MNAT1: variants seen among roughly 807,000 people sequenced by gnomAD.
The protein encoded by MNAT1 is MNAT1 component of CDK activating kinase.
In MNAT1, 43 loss-of-function variants were observed where a neutral mutation model predicts 42.0. That is an observed-to-expected ratio of 1.02 (90% CI 0.80 to 1.32). The LOEUF is 1.32. MNAT1 is among the 40% of genes most tolerant of loss of function. MNAT1 has a pLI of 0.00. For synonymous variants in MNAT1, 118 were observed against 120.0 expected (o/e 0.98, Z 0.11); for missense variants, 306 against 350.4 (o/e 0.87, Z 1.01).
At position 60,912,955 on chromosome 14, in the gene MNAT1, A is replaced by C. The variant is rs1002890244; in HGVS notation, c.809+33120A>C. On this transcript the variant is annotated intron_variant, in intron 7 of 7. Transcript: ENST00000261245. ...TGGTTCCATTCTCCCCGTCACTTTC[A>C]GGTACACCAATTAGATGTACATTTG... Among the ~76,000 whole-genome samples the C allele has an allele frequency of 2.0e-5, 3 of 152,228 alleles. No individual in the cohort carries two copies. The South Asian group carries it at 6.2e-4, about 32-fold the overall frequency.
At chr14:60,860,814 G>T (rs2034079115) in intron 6 of MNAT1, among the ~76,000 whole-genome samples, 1 of 152,118 alleles carries the variant, frequency 6.6e-6, no homozygotes, top group East Asian at 1.9e-4. Flanking sequence ...CTGGTGAGAA[G>T]ATATATAGAT....
chr14:60,836,628 C>T (rs2033396333), intron 6 of MNAT1, among the ~76,000 whole-genome samples: 1 of 152,184 alleles, frequency 6.6e-6, no homozygotes, highest in South Asian at 2.1e-4. Flanking sequence ...CCCAGAGGGG[C>T]ACTGGCTAGA....
intron 7 of MNAT1, among the ~76,000 whole-genome samples, chr14:60,961,101 T>G (rs2036581594): frequency 6.6e-6 from 1 of 152,202 alleles, no homozygotes; most frequent in East Asian, 1.9e-4. Flanking sequence ...TAGCTGAGAT[T>G]ACAGGCATGC....
chr14:60,764,256 C>G (rs1487656958), intron 1 of MNAT1, among the ~76,000 whole-genome samples: 1 of 152,074 alleles, frequency 6.6e-6, no homozygotes, highest in East Asian at 1.9e-4. Flanking sequence ...TGTTGAAGCT[C>G]AAAAATAAAA....
At chr14:60,775,693 C>G (rs1042036681) in intron 1 of MNAT1, among the ~76,000 whole-genome samples, 2 of 151,970 alleles carry the variant, frequency 1.3e-5, no homozygotes, top group African/African-American at 4.8e-5. Context: ...TCATTTTAAC[C>G]TGAAGGAATG....
chr14:60,761,465 C>T (rs887603267), intron 1 of MNAT1, among the ~76,000 whole-genome samples: 6 of 152,158 alleles, frequency 3.9e-5, no homozygotes, highest in African/African-American at 1.4e-4. Flanking sequence ...AAGAAAGTGA[C>T]TTTTAAAGTT....
chr14:60,847,530 A>C (rs1343957675), intron 6 of MNAT1, among the ~76,000 whole-genome samples: 1 of 151,798 alleles, frequency 6.6e-6, no homozygotes, highest in Non-Finnish European at 1.5e-5. Flanking sequence ...TTTGATTCTA[A>C]TGTGTGCTGG....
chr14:60,802,963 C>T (rs1409800233), intron 3 of MNAT1, among the ~76,000 whole-genome samples: 7 of 127,740 alleles, frequency 5.5e-5, no homozygotes, highest in African/African-American at 5.9e-5. Context: ...GACGGAGTTT[C>T]GCTCTGTCGC....
intron 1 of MNAT1, among the ~76,000 whole-genome samples, chr14:60,770,012 T>C (rs1264192882): frequency 6.6e-6 from 1 of 152,144 alleles, no homozygotes; most frequent in Admixed American, 6.6e-5. Flanking sequence ...AGTAAGTATA[T>C]TTACATTGTT....
chr14:60,898,085 T>C lies in MNAT1; in HGVS notation c.809+18250T>C, dbSNP rs4151318. On this transcript the variant is annotated intron_variant, in intron 7 of 7. Coordinates refer to ENST00000261245, the MANE Select transcript of MNAT1 (RefSeq NM_002431.4). ...GGTTTAATTCCTTTGAATGGCTAAA[T>C]AGTAATACATTGTGTGTGTGTGTGT... Among the ~76,000 whole-genome samples, 257 of 144,748 alleles carry C rather than the reference T, an allele frequency of 1.8e-3. 1 individual carries two copies. Among genetic ancestry groups the C allele is most frequent in the African/African-American group, 5.8e-3 (227 of 39,166 alleles). 95.0% of individuals were successfully genotyped at this position (144,748 alleles called of 152,430 possible). A position where few individuals can be genotyped will look rare whatever the true frequency, so the allele number is the denominator to read the frequency against.
chr14:60,915,172 A>G (rs529764419), intron 7 of MNAT1, among the ~76,000 whole-genome samples: 2 of 152,150 alleles, frequency 1.3e-5, no homozygotes, highest in East Asian at 3.9e-4. Context: ...TTTTTGTTCT[A>G]CTATTTACCT....
chr14:60,807,068 A>G (rs1266642993), intron 3 of MNAT1, among the ~76,000 whole-genome samples: 1 of 152,300 alleles, frequency 6.6e-6, no homozygotes, highest in Non-Finnish European at 1.5e-5. Flanking sequence ...TTTTCTCTCA[A>G]TTCTTCCAGA....
At chr14:60,851,397 C>G (rs2033816696) in intron 6 of MNAT1, among the ~76,000 whole-genome samples, 1 of 148,038 alleles carries the variant, frequency 6.8e-6, no homozygotes, top group South Asian at 2.2e-4. Flanking sequence ...CGTTTTTAAA[C>G]AAATTGAAGG....
intron 6 of MNAT1, among the ~76,000 whole-genome samples, chr14:60,825,259 A>T (rs1432962939): frequency 1.3e-5 from 2 of 152,234 alleles, no homozygotes; most frequent in Non-Finnish European, 2.9e-5. Flanking sequence ...TAAAAATCAC[A>T]GTTGGTTCAA....
At chr14:60,784,190 T>C (rs1018500375) in intron 1 of MNAT1, among the ~76,000 whole-genome samples, 1 of 136,702 alleles carries the variant, frequency 7.3e-6, no homozygotes, top group Non-Finnish European at 1.6e-5. Flanking sequence ...TTTTTTTTTT[T>C]TTTTTTTTTT....
chr14:60,835,906 A>G (rs2033377473), intron 6 of MNAT1, among the ~76,000 whole-genome samples: 1 of 152,034 alleles, frequency 6.6e-6, no homozygotes, highest in South Asian at 2.1e-4. Context: ...ACATAGTCCC[A>G]TATTTCTTGG....
rs149439051 is a variant in MNAT1, at chr14:60,791,514, C to T, written c.90-4703C>T. 5.6e-3 allele frequency among the ~76,000 whole-genome samples: 846 copies of T among 151,990 alleles called. 4 individuals are homozygous for T. Among genetic ancestry groups the T allele is most frequent in the Non-Finnish European group, 9.4e-3 (642 of 67,942 alleles). ...TATCAAGTGATTCATAGCAATTTAG[C>T]CTAAAGGTATGAAAGGACTGATGAG... On this transcript the variant is annotated intron_variant, in intron 1 of 7. Coordinates refer to ENST00000261245, the MANE Select transcript of MNAT1 (RefSeq NM_002431.4).
At chr14:60,834,738 T>A (rs1201766968) in intron 6 of MNAT1, among the ~76,000 whole-genome samples, 1 of 152,156 alleles carries the variant, frequency 6.6e-6, no homozygotes, top group African/African-American at 2.4e-5. Context: ...TTTTGATCAG[T>A]CTAAAATTGA....
chr14:60,765,557 AAC>A (rs1322271601), intron 1 of MNAT1, among the ~76,000 whole-genome samples: 1 of 152,208 alleles, frequency 6.6e-6, no homozygotes, highest in Non-Finnish European at 1.5e-5. Context: ...AATATAACTA[AAC>A]AGTCTGATGC....
Sources: allele counts gnomAD v4.1 joint callset (sites outside exome capture counted in the v4.1 genomes callset), GRCh38; gene constraint gnomAD v4.1.1; transcripts MANE v1.5; gene names NCBI Gene and HGNC (gene_info 2026-07-23, HGNC 2026-07-21).